Variants in HAO1 observed in about 807,000 individuals in gnomAD.
HAO1 encodes hydroxyacid oxidase 1.
In HAO1, 34 loss-of-function variants were observed where a neutral mutation model predicts 39.7. That is an observed-to-expected ratio of 0.86 (90% CI 0.65 to 1.14). The LOEUF (loss-of-function observed/expected upper bound fraction) is 1.14. Among genes scored for constraint, HAO1 ranks in the 50% most tolerant of loss-of-function variants. HAO1 has a pLI of 0.00. For missense variants in HAO1, 479 were observed against 464.5 expected, an observed-to-expected ratio of 1.03 and a Z score of -0.29; for synonymous variants, 172 against 173.2, an observed-to-expected ratio of 0.99 and a Z score of 0.05.
chr20:7,898,214 G>A (rs764036832), intron 4 of HAO1, among the ~76,000 whole-genome samples: 6 of 152,054 alleles, frequency 3.9e-5, no homozygotes, highest in Non-Finnish European at 7.4e-5. Flanking sequence ...CTTGCGTTTC[G>A]TCTTCACTAC....
chr20:7,897,062 C>A (rs1013971249), intron 4 of HAO1, among the ~76,000 whole-genome samples: 3 of 152,184 alleles, frequency 2.0e-5, no homozygotes, highest in African/African-American at 4.8e-5. Context: ...TAAATAGCTT[C>A]TCTTGTGTGT....
At chr20:7,913,377 C>T (rs909062877) in intron 3 of HAO1, among the ~76,000 whole-genome samples, 7 of 152,026 alleles carry the variant, frequency 4.6e-5, no homozygotes, top group African/African-American at 1.7e-4. Flanking sequence ...ATTATACATT[C>T]ATATGAAAAA....
chr20:7,884,458 G>A (rs905186474), intron 7 of HAO1, among the ~76,000 whole-genome samples: 10 of 152,202 alleles, frequency 6.6e-5, no homozygotes. Flanking sequence ...TCGAATAGAT[G>A]GGTGGAGGAT....
rs149763589 is a variant in HAO1, at chr20:7,905,572, G to T, written c.721+582C>A. 7.4e-4 allele frequency among the ~76,000 whole-genome samples: 113 copies of T among 152,176 alleles called. 1 individual carries two copies. Among genetic ancestry groups the T allele is most frequent in the African/African-American group, 2.6e-3 (110 of 41,536 alleles). On this transcript the variant is annotated intron_variant, in intron 4 of 7. Transcript: ENST00000378789. ...TTATAGTCATTGGTATCTCCCTGTGGGATCTGAATACATGGGGATGCTGGA... is the reference window on the plus strand; with the variant it reads ...TTATAGTCATTGGTATCTCCCTGTGTGATCTGAATACATGGGGATGCTGGA...
chr20:7,919,556 A>G (rs945268871), intron 2 of HAO1, among the ~76,000 whole-genome samples: 15 of 152,218 alleles, frequency 9.9e-5, no homozygotes, highest in Non-Finnish European at 1.9e-4. Context: ...ACAACAGGGT[A>G]GAATGGATTG....
Position 7,885,559 on chromosome 20 carries a change from A to G in HAO1, c.1004T>C (p.Ile335Thr). 6.2e-7 allele frequency: 1 copy of G among 1,610,160 alleles called. No homozygotes were observed. The highest frequency in any genetic ancestry group is 8.5e-7 in the Non-Finnish European group (1 of 1,176,492). ...GEKGVQDVLE[I>T]LKEEFRLAMA... is the part of the protein sequence containing the mutation. ...GGCCAACCGGAATTCTTCCTTTAGT[A>G]TCTCGAGGACATCTTGAACACCTTT... The change falls in exon 7 of 8, where the codon ATA (isoleucine) becomes ACA (threonine). Residue 335 changes from isoleucine (I) to threonine (T), a missense_variant. Ile to Thr is a moderately conservative substitution (Grantham distance 89, BLOSUM62 -1). Transcript: ENST00000378789.
intron 4 of HAO1, among the ~76,000 whole-genome samples, chr20:7,903,350 T>C (rs114061898): frequency 0.014 from 2,131 of 152,086 alleles, 37 homozygotes; most frequent in African/African-American, 0.049. Flanking sequence ...ATCAAGAAGT[T>C]CAGTAAATAA....
At chr20:7,933,217 T>C (rs1364374452) in intron 2 of HAO1, among the ~76,000 whole-genome samples, 1 of 152,176 alleles carries the variant, frequency 6.6e-6, no homozygotes, top group Non-Finnish European at 1.5e-5. Flanking sequence ...TAAGGGCTTT[T>C]TACGTGGAAA....
intron 4 of HAO1, among the ~76,000 whole-genome samples, chr20:7,899,561 T>G (rs1251145161): frequency 2.0e-5 from 3 of 152,208 alleles, no homozygotes; most frequent in East Asian, 3.9e-4. Flanking sequence ...TTTCAAGTGG[T>G]TTTTATATTC....
At chr20:7,897,090 G>A (rs1248438987) in intron 4 of HAO1, among the ~76,000 whole-genome samples, 1 of 152,042 alleles carries the variant, frequency 6.6e-6, no homozygotes, top group African/African-American at 2.4e-5. Context: ...AATTGGATTG[G>A]GTATAATAAT....
In HAO1 at chr20:7,883,079, A is replaced by G. The variant is rs545842607; in HGVS notation, c.*514T>C. 8.9e-5 allele frequency: 14 copies of G among 157,428 alleles called. No homozygotes were observed. Among genetic ancestry groups the G allele is most frequent in the African/African-American group, 2.4e-4 (10 of 41,664 alleles). 9.8% of individuals were successfully genotyped at this position (157,428 alleles called of 1,614,324 possible). On this transcript the variant is annotated 3_prime_UTR_variant, in exon 8 of 8. Transcript: ENST00000378789. The stretch of plus-strand genomic sequence containing the variant: ...ACACTAAAGATGTGATTGGAAATCT[A>G]CATTCAAAGAAGTATCACCAATTAC...
chr20:7,919,553 G>T (rs896349485), intron 2 of HAO1, among the ~76,000 whole-genome samples: 3 of 152,074 alleles, frequency 2.0e-5, no homozygotes, highest in Non-Finnish European at 4.4e-5. Flanking sequence ...ACAACAACAG[G>T]GTAGAATGGA....
chr20:7,921,431 C>T (rs1241996927), intron 2 of HAO1, among the ~76,000 whole-genome samples: 2 of 152,184 alleles, frequency 1.3e-5, no homozygotes, highest in African/African-American at 4.8e-5. Flanking sequence ...GTCAGAATTA[C>T]TTTTGTTAAA....
chr20:7,924,441 C>A (rs1388931842), intron 2 of HAO1, among the ~76,000 whole-genome samples: 1 of 151,952 alleles, frequency 6.6e-6, no homozygotes, highest in African/African-American at 2.4e-5. Context: ...GATGATGAAC[C>A]ATCAGGCAAA....
At chr20:7,925,287 C>T (rs2050353974) in intron 2 of HAO1, among the ~76,000 whole-genome samples, 1 of 152,124 alleles carries the variant, frequency 6.6e-6, no homozygotes, top group African/African-American at 2.4e-5. Flanking sequence ...CCAAGAAAGA[C>T]CAAGAAACCA....
chr20:7,888,466 A>G (rs763474632), intron 5 of HAO1, among the ~76,000 whole-genome samples: 36 of 152,240 alleles, frequency 2.4e-4, no homozygotes, highest in African/African-American at 7.2e-4. Context: ...ACCTTTGTTC[A>G]AATCAAAATA....
chr20:7,891,373 T>C (rs182282447), intron 5 of HAO1, among the ~76,000 whole-genome samples: 3 of 152,314 alleles, frequency 2.0e-5, no homozygotes, highest in East Asian at 1.9e-4. Flanking sequence ...ATGTCTTTAG[T>C]ACACTTTTTG....
intron 3 of HAO1, among the ~76,000 whole-genome samples, chr20:7,908,411 T>A (rs1480943391): frequency 6.6e-6 from 1 of 150,716 alleles, no homozygotes; most frequent in Non-Finnish European, 1.5e-5. Flanking sequence ...AAAAAAAAAT[T>A]ATATATTATA....
intron 2 of HAO1, among the ~76,000 whole-genome samples, chr20:7,934,238 G>C (rs1415245446): frequency 6.6e-6 from 1 of 152,098 alleles, no homozygotes; most frequent in Non-Finnish European, 1.5e-5. Flanking sequence ...AATGAGGCAG[G>C]TACAATTTTT....
Sources: gnomAD v4.1 joint callset for allele counts (sites outside exome capture counted in the v4.1 genomes callset) on GRCh38, gnomAD v4.1.1 for gene constraint, MANE v1.5 for transcripts, NCBI Gene and HGNC (gene_info 2026-07-23, HGNC 2026-07-21) for gene names.